INPP4B: variants seen among roughly 807,000 people sequenced by gnomAD.
INPP4B encodes inositol polyphosphate 4-phosphatase type II.
In INPP4B, 55 loss-of-function variants were observed where a neutral mutation model predicts 122.5. The ratio of observed to expected loss-of-function variants is 0.45; its 90% CI spans 0.36 to 0.56. The LOEUF (loss-of-function observed/expected upper bound fraction) is 0.56. Among genes scored for constraint, INPP4B ranks in the 20% least tolerant of loss-of-function variants. The pLI is 0.00. For synonymous variants in INPP4B, 403 were observed against 388.7 expected (o/e 1.04, Z -0.43); for missense variants, 1,000 against 1,097.7 (o/e 0.91, Z 1.26).
Position 142,157,285 on chromosome 4 carries a change from T to C in INPP4B, c.1563+3073A>G, listed in dbSNP as rs576876719. Among the ~76,000 whole-genome samples, 21 of 152,316 alleles carry C rather than the reference T, an allele frequency of 1.4e-4. No homozygotes were observed. The South Asian group carries it at 4.4e-3, about 32-fold the overall frequency. ...TTTATGACTCTGGTGAAATATTGTT[T>C]CTATCTTTTTATAAGGGATTTCTAT... On this transcript the variant is annotated intron_variant, in intron 17 of 25. Coordinates refer to ENST00000262992, the MANE Select transcript of INPP4B (RefSeq NM_001101669.3).
At chr4:142,360,295 T>G (rs1654535259) in intron 7 of INPP4B, among the ~76,000 whole-genome samples, 1 of 151,890 alleles carries the variant, frequency 6.6e-6, no homozygotes, top group Admixed American at 6.6e-5. Context: ...AAAACCAGGG[T>G]CAAATTACAA....
intron 2 of INPP4B, among the ~76,000 whole-genome samples, chr4:142,554,198 A>AG (rs1728620530): frequency 3.4e-5 from 5 of 145,300 alleles, no homozygotes; most frequent in East Asian, 2.5e-4. Context: ...CAAAAAAAAA[A>AG]AAAAAAAGAA....
At chr4:142,772,097 T>C (rs183174426) in intron 1 of INPP4B, among the ~76,000 whole-genome samples, 27 of 152,246 alleles carry the variant, frequency 1.8e-4, no homozygotes, top group African/African-American at 5.3e-4. Context: ...CTTGGATATG[T>C]GAGTACAAAA....
intron 1 of INPP4B, among the ~76,000 whole-genome samples, chr4:142,776,366 G>C (rs1204125966): frequency 6.6e-6 from 1 of 152,044 alleles, no homozygotes; most frequent in Non-Finnish European, 1.5e-5. Flanking sequence ...GTATGAAAGG[G>C]GCCAGAGATT....
At chr4:142,260,865 C>T (rs993920179) in intron 10 of INPP4B, among the ~76,000 whole-genome samples, 16 of 152,238 alleles carry the variant, frequency 1.1e-4, no homozygotes, top group African/African-American at 3.6e-4. Flanking sequence ...CACAGTAAAT[C>T]ATATTTGACA....
intron 2 of INPP4B, among the ~76,000 whole-genome samples, chr4:142,562,597 C>T (rs1730701184): frequency 6.6e-6 from 1 of 152,014 alleles, no homozygotes; most frequent in African/African-American, 2.4e-5. Context: ...AGAAAGACAT[C>T]CTATTGCTTT....
chr4:142,421,758 T>C (rs1806948011), intron 5 of INPP4B, among the ~76,000 whole-genome samples: 1 of 152,158 alleles, frequency 6.6e-6, no homozygotes, highest in African/African-American at 2.4e-5. Context: ...TTTTAAGACT[T>C]GGTCCAAATG....
intron 2 of INPP4B, among the ~76,000 whole-genome samples, chr4:142,723,464 C>T (rs1234539556): frequency 1.3e-5 from 2 of 152,086 alleles, no homozygotes; most frequent in Non-Finnish European, 2.9e-5. Flanking sequence ...TTGAAGTTCC[C>T]TCCATCTTTG....
rs769499754 is a variant in INPP4B at position 142,145,984 on chromosome 4, C to A, written c.1576G>T (p.Ala526Ser). The change falls in exon 18 of 26, where the codon GCC (alanine) becomes TCC (serine). Residue 526 changes from alanine (A) to serine (S), a missense_variant. By Grantham distance (99) the Ala-to-Ser change is moderately conservative. Transcript: ENST00000262992. ...CAGTTCAGGCTCTTCCCCACATTGG[C>A]CCACACCCTGTCCTGAAAAAAGCAT... is the stretch of plus-strand genomic sequence containing the variant. ...YDEEEWDRVW[A>S]NVGKSLNCII... 4 of 1,612,782 alleles carry A rather than the reference C, an allele frequency of 2.5e-6. No individual in the cohort carries two copies. Among genetic ancestry groups the A allele is most frequent in the Non-Finnish European group, 3.4e-6 (4 of 1,179,184 alleles).
chr4:142,103,090 C>A (rs1785255095), intron 23 of INPP4B, among the ~76,000 whole-genome samples: 1 of 152,022 alleles, frequency 6.6e-6, no homozygotes, highest in Non-Finnish European at 1.5e-5. Flanking sequence ...TCAGTCCATG[C>A]TTTTTATTAA....
intron 9 of INPP4B, among the ~76,000 whole-genome samples, chr4:142,300,727 T>C (rs1195785430): frequency 1.3e-5 from 2 of 152,170 alleles, no homozygotes. Context: ...TTTTCTTTCA[T>C]AGCATCTTGC....
chr4:142,188,518 A>AAAAAATAT (rs1834267141), intron 15 of INPP4B, among the ~76,000 whole-genome samples: 1 of 105,126 alleles, frequency 9.5e-6, no homozygotes, highest in African/African-American at 3.3e-5. Context: ...AAAGAAAAAA[A>AAAAAATAT]ATATATATAG....
At chr4:142,267,243 A>G (rs1429389773) in intron 10 of INPP4B, among the ~76,000 whole-genome samples, 1 of 152,204 alleles carries the variant, frequency 6.6e-6, no homozygotes, top group Non-Finnish European at 1.5e-5. Flanking sequence ...AAGAGCTTGA[A>G]GAGTCAAAGT....
chr4:142,068,517 A>G (rs924228158), intron 25 of INPP4B, among the ~76,000 whole-genome samples: 4 of 152,228 alleles, frequency 2.6e-5, no homozygotes, highest in Admixed American at 2.6e-4. Flanking sequence ...AAATGCTCCA[A>G]TTAAAAGACA....
At chr4:142,442,147 GCC>G (rs1811873915) in intron 3 of INPP4B, among the ~76,000 whole-genome samples, 2 of 151,994 alleles carry the variant, frequency 1.3e-5, no homozygotes, top group Admixed American at 6.6e-5. Flanking sequence ...GGTGGCTCAC[GCC>G]TACCTGTAAT....
At chr4:142,508,906 T>C (rs1824361588) in intron 2 of INPP4B, among the ~76,000 whole-genome samples, 1 of 152,114 alleles carries the variant, frequency 6.6e-6, no homozygotes, top group African/African-American at 2.4e-5. Context: ...AATAATTTAA[T>C]CCAAATGTTA....
intron 1 of INPP4B, among the ~76,000 whole-genome samples, chr4:142,754,095 C>A (rs777823344): frequency 2.6e-5 from 4 of 151,998 alleles, no homozygotes; most frequent in Admixed American, 6.6e-5. Flanking sequence ...TATTTAATGC[C>A]GTAGATGCCA....
chr4:142,401,206 T>G (rs193089429), intron 7 of INPP4B, among the ~76,000 whole-genome samples: 1 of 152,162 alleles, frequency 6.6e-6, no homozygotes, highest in East Asian at 1.9e-4. Flanking sequence ...CTCCCCAACT[T>G]TATGATTCTT....
chr4:142,037,093 T>C (rs1380179127), intron 25 of INPP4B, among the ~76,000 whole-genome samples: 1 of 152,190 alleles, frequency 6.6e-6, no homozygotes, highest in East Asian at 1.9e-4. Flanking sequence ...CAAATCACAA[T>C]GTTGTTTCCA....
Sources: gnomAD v4.1 joint callset for allele counts (sites outside exome capture counted in the v4.1 genomes callset) on GRCh38, gnomAD v4.1.1 for gene constraint, MANE v1.5 for transcripts, NCBI Gene and HGNC (gene_info 2026-07-23, HGNC 2026-07-21) for gene names.